The following SCAPER variants were observed in gnomAD, a reference collection of about 807,000 sequenced individuals.
The protein encoded by SCAPER is S-phase cyclin A associated protein in the ER.
In SCAPER, 98 loss-of-function variants were observed where a neutral mutation model predicts 182.2. That is an observed-to-expected ratio of 0.54 (90% CI 0.46 to 0.64). The LOEUF (loss-of-function observed/expected upper bound fraction) is 0.64. Among genes scored for constraint, SCAPER ranks in the 30% least tolerant of loss-of-function variants. SCAPER has a pLI of 0.00. For missense variants in SCAPER, 1,432 were observed against 1,690.0 expected (o/e 0.85, Z 2.68); for synonymous variants, 605 against 564.6 (o/e 1.07, Z -1.01).
chr15:76,753,915 G>C lies in SCAPER; in HGVS notation c.1759C>G (p.Leu587Val). The C allele has an allele frequency of 6.2e-7, 1 of 1,612,866 alleles. No individual in the cohort carries two copies. Among genetic ancestry groups the C allele is most frequent in the Non-Finnish European group, 8.5e-7 (1 of 1,179,228 alleles). ...KDVRKWKEEL[L>V]DQRRRMMEEK... ...TCCATCATCCTGCGTCGTTGATCTA[G>C]CAATTCTTCCTTCCACTTCCGGACA... is the stretch of plus-strand genomic sequence containing the variant. Residue 587 changes from leucine (L) to valine (V), a missense_variant, in exon 15 of 32, where the codon CTA becomes GTA. By Grantham distance (32) the Leu-to-Val change is conservative. This residue lies in a region of SCAPER where 88 missense variants were observed against 184.2 expected (regional missense o/e 0.48). Coordinates refer to ENST00000563290, the MANE Select transcript of SCAPER (RefSeq NM_020843.4).
intron 20 of SCAPER, among the ~76,000 whole-genome samples, chr15:76,679,986 AT>A (rs1167270560): frequency 6.6e-6 from 1 of 152,218 alleles, no homozygotes; most frequent in Non-Finnish European, 1.5e-5. Flanking sequence ...TTTTCTCAGA[AT>A]TCTCAGATTT....
intron 26 of SCAPER, among the ~76,000 whole-genome samples, chr15:76,414,758 T>C (rs1412112549): frequency 6.6e-6 from 1 of 152,142 alleles, no homozygotes; most frequent in Non-Finnish European, 1.5e-5. Flanking sequence ...AAAATCATAC[T>C]AATTAAATGG....
chr15:76,864,899 C>T (rs1599172014), intron 2 of SCAPER, among the ~76,000 whole-genome samples: 2 of 152,072 alleles, frequency 1.3e-5, no homozygotes, highest in African/African-American at 4.8e-5. Flanking sequence ...TAAATTCACA[C>T]AAAGAATATC....
chr15:76,531,060 T>C (rs1247069434), intron 23 of SCAPER, among the ~76,000 whole-genome samples: 5 of 152,008 alleles, frequency 3.3e-5, no homozygotes, highest in Non-Finnish European at 5.9e-5. Flanking sequence ...CTTGATTATA[T>C]TGATAAAAAC....
At chr15:76,862,010 C>G (rs543735243) in intron 3 of SCAPER, 1 of 153,184 alleles carries the variant, frequency 6.5e-6, no homozygotes, top group East Asian at 1.9e-4. Flanking sequence ...CTCACTGTCA[C>G]GAGAACAGCA....
intron 17 of SCAPER, among the ~76,000 whole-genome samples, chr15:76,725,775 G>A (rs992966892): frequency 2.0e-5 from 3 of 151,822 alleles, no homozygotes; most frequent in Admixed American, 1.3e-4. Context: ...GAAGTGATGG[G>A]AAAACTGAGT....
At chr15:76,772,668 T>C (rs1390113019) in intron 9 of SCAPER, among the ~76,000 whole-genome samples, 3 of 151,904 alleles carry the variant, frequency 2.0e-5, no homozygotes, top group African/African-American at 7.2e-5. Context: ...CCAACAGAAA[T>C]GTAAATACAA....
At chr15:76,883,038 A>G (rs1297733420) in intron 2 of SCAPER, among the ~76,000 whole-genome samples, 1 of 152,226 alleles carries the variant, frequency 6.6e-6, no homozygotes, top group African/African-American at 2.4e-5. Flanking sequence ...CCTATCAAAA[A>G]TACCAAAATC....
At chr15:76,820,040 T>C (rs2151639994) in intron 5 of SCAPER, among the ~76,000 whole-genome samples, 1 of 152,226 alleles carries the variant, frequency 6.6e-6, no homozygotes, top group Middle Eastern at 3.4e-3. Context: ...CACAATGAGA[T>C]ACCATCTCAC....
intron 11 of SCAPER, among the ~76,000 whole-genome samples, chr15:76,766,634 G>A (rs1440178473): frequency 2.6e-5 from 4 of 151,990 alleles, no homozygotes; most frequent in South Asian, 2.1e-4. Context: ...CACCACAACC[G>A]GCCCAGACTC....
Position 76,510,746 on chromosome 15 carries a change from T to C in SCAPER, c.2839-5772A>G, listed in dbSNP as rs115685185. 3.1e-3 allele frequency among the ~76,000 whole-genome samples: 470 copies of C among 152,342 alleles called. 3 individuals carry two copies. The highest frequency in any genetic ancestry group is 0.011 in the African/African-American group (457 of 41,574). On this transcript the variant is annotated intron_variant, in intron 23 of 31. Coordinates refer to ENST00000563290, the MANE Select transcript of SCAPER (RefSeq NM_020843.4). ...CATCTACCCAGAGCAAAAGAAGTCA[T>C]TATGCTAAAAAGATACTTGCTCACG...
intron 22 of SCAPER, among the ~76,000 whole-genome samples, chr15:76,591,876 A>G (rs1361126191): frequency 2.0e-5 from 3 of 152,182 alleles, no homozygotes; most frequent in African/African-American, 7.2e-5. Flanking sequence ...CCTGGGCAAC[A>G]TGGCAAAACC....
rs533454706 is a variant in SCAPER, at chr15:76,635,588, A to T, written c.2646-13759T>A. Among the ~76,000 whole-genome samples the T allele has an allele frequency of 2.0e-5, 3 of 152,264 alleles. No homozygotes were observed. In the South Asian group the frequency reaches 6.2e-4, roughly 32 times the overall value. ...TTGCCTATGTGCCACTAGAAATTCT[A>T]TTACAACAAGGCGAGAAGTGGCAAG... On this transcript the variant is annotated intron_variant, in intron 21 of 31. Transcript: ENST00000563290.
chr15:76,476,595 A>AT (rs5813839), intron 24 of SCAPER, among the ~76,000 whole-genome samples: 13,466 of 72,696 alleles, frequency 0.19, 3,407 homozygotes, highest in Admixed American at 0.3. Flanking sequence ...CACCCAGCTA[A>AT]TTTTTTTTTT....
In SCAPER at chr15:76,621,777, G is replaced by A; in HGVS notation, c.2698C>T (p.Pro900Ser). 6.2e-7 allele frequency: 1 copy of A among 1,607,294 alleles called. No individual in the cohort carries two copies. The highest frequency in any genetic ancestry group is 8.5e-7 in the Non-Finnish European group (1 of 1,176,726). Residue 900 changes from proline (P) to serine (S), a missense_variant, in exon 22 of 32, where the codon CCT becomes TCT. Physicochemically the swap from Pro to Ser is moderately conservative, Grantham distance 74. Around this residue, in one of 5 missense-constraint regions of SCAPER, gnomAD observed 718 missense variants for 799.7 expected, o/e 0.90. Transcript: ENST00000563290. The stretch of plus-strand genomic sequence containing the variant: ...TGGAATACTCACTTTGCTTTATAAG[G>A]TGAATCAGAGCCAGAATTTTTGGTT... Reference protein sequence around the residue: ...METKNSGSDSPYKAKLQRLAK... With the variant: ...METKNSGSDSSYKAKLQRLAK...
Position 76,354,287 on chromosome 15 carries a change from A to T in SCAPER, c.3856-147T>A, listed in dbSNP as rs1304061361. The T allele has an allele frequency of 3.4e-6, 2 of 580,824 alleles. No individual in the cohort carries two copies. The highest frequency in any genetic ancestry group is 3.9e-5 in the African/African-American group (2 of 50,836). The allele number at this position is 580,824 out of a possible 1,614,324, so 36.0% of individuals were successfully genotyped here. On this transcript the variant is annotated intron_variant, in intron 29 of 31. Coordinates refer to ENST00000563290, the MANE Select transcript of SCAPER (RefSeq NM_020843.4). The surrounding 1 kb of genome is among the most constrained non-coding windows in gnomAD (Gnocchi z 4.4). ...TGACTCCGTACCAGAGCTTAATTTA[A>T]GTGATACTTGAAAAGAGCAGAAAAA...
rs1319310751 is a variant in SCAPER, at chr15:76,603,270, G to A, written c.2711+18494C>T. Among the ~76,000 whole-genome samples the A allele has an allele frequency of 9.2e-5, 11 of 119,044 alleles. 4 individuals carry two copies. The highest frequency in any genetic ancestry group is 1.6e-4 in the Non-Finnish European group (8 of 49,244). The allele number at this position is 119,044 out of a possible 152,430, so 78.1% of individuals were successfully genotyped here. ...CTCATTGTTCAATTCCCACCTATGA[G>A]CGAGAACATGCGGTGTTTTTTTGTC... On this transcript the variant is annotated intron_variant, in intron 22 of 31. Transcript: ENST00000563290.
intron 18 of SCAPER, among the ~76,000 whole-genome samples, chr15:76,705,264 T>C (rs1048470326): frequency 2.0e-5 from 3 of 151,910 alleles, no homozygotes; most frequent in Non-Finnish European, 2.9e-5. Context: ...TGGGTGAAAT[T>C]GGAAATCATC....
intron 2 of SCAPER, among the ~76,000 whole-genome samples, chr15:76,874,974 A>T (rs191728824): frequency 1.3e-5 from 2 of 152,122 alleles, no homozygotes; most frequent in Non-Finnish European, 2.9e-5. Flanking sequence ...CCTCTCAAAA[A>T]AATAATAATA....
Sources: gnomAD v4.1 joint callset for allele counts (sites outside exome capture counted in the v4.1 genomes callset) on GRCh38, gnomAD v4.1.1 for gene constraint, gnomAD v4.1.1 regional missense constraint, Gnocchi (gnomAD v3.1) non-coding constraint, MANE v1.5 for transcripts, NCBI Gene and HGNC (gene_info 2026-07-23, HGNC 2026-07-21) for gene names.